STXBP4: variants seen among roughly 807,000 people sequenced by gnomAD.
STXBP4 encodes syntaxin-binding protein 4.
A neutral mutation model predicts 76.1 loss-of-function variants in STXBP4; 55 were observed. That is an observed-to-expected ratio of 0.72 (90% confidence interval 0.58 to 0.91). The LOEUF (loss-of-function observed/expected upper bound fraction) is 0.91, where lower values mean the gene tolerates loss of function less well. Ranked by LOEUF, STXBP4 falls within the 40% of genes least tolerant of loss-of-function variation. The pLI, the probability that STXBP4 is intolerant of heterozygous loss-of-function variation, is 0.00. For missense variants in STXBP4, 618 were observed against 636.9 expected (o/e 0.97, Z 0.32); for synonymous variants, 201 against 220.2 (o/e 0.91, Z 0.77).
In STXBP4 at chr17:55,072,919, A is replaced by C. The variant is rs1195462713; in HGVS notation, c.1031A>C (p.Glu344Ala). ...CTTTAGGAAGCCAAAGCTGTAGTTG[A>C]AGAAACAAGAGCCCTGCGTAGTCGG... ...NVKQEAKAVVEETRALRSRIH... is the reference protein window; with the variant it reads ...NVKQEAKAVVAETRALRSRIH... Residue 344 changes from glutamate (E) to alanine (A), a missense_variant, in exon 13 of 18, where the codon GAA becomes GCA. Physicochemically the swap from Glu to Ala is moderately radical, Grantham distance 107. Coordinates refer to ENST00000376352, the MANE Select transcript of STXBP4 (RefSeq NM_178509.6). 6.2e-7 allele frequency: 1 copy of C among 1,605,276 alleles called. No homozygotes were observed. The highest frequency in any genetic ancestry group is 8.5e-7 in the Non-Finnish European group (1 of 1,177,300).
At chr17:54,993,735 G>A (rs1259349661) in intron 4 of STXBP4, among the ~76,000 whole-genome samples, 4 of 152,216 alleles carry the variant, frequency 2.6e-5, no homozygotes, top group Non-Finnish European at 4.4e-5. Flanking sequence ...TCTTAATGAA[G>A]TTGCTGAACT....
chr17:55,052,368 G>T (rs903482403), intron 12 of STXBP4, among the ~76,000 whole-genome samples: 1 of 152,124 alleles, frequency 6.6e-6, no homozygotes, highest in South Asian at 2.1e-4. Flanking sequence ...GTAATGTATT[G>T]CAGACTATAG....
intron 16 of STXBP4, among the ~76,000 whole-genome samples, chr17:55,114,376 A>C (rs1336668597): frequency 6.6e-6 from 1 of 152,066 alleles, no homozygotes; most frequent in Non-Finnish European, 1.5e-5. Flanking sequence ...TCTGTTCTAA[A>C]AGAAAACAGG....
At chr17:55,202,451 A>T in the STXBP4 span, among the ~76,000 whole-genome samples, 18 of 152,106 alleles carry the variant, frequency 1.2e-4, no homozygotes, top group African/African-American at 3.4e-4. Context: ...TAATTAAATG[A>T]CATTTAATTA....
chr17:55,005,128 A>T (rs78274455), intron 7 of STXBP4, among the ~76,000 whole-genome samples: 1 of 152,216 alleles, frequency 6.6e-6, no homozygotes, highest in East Asian at 1.9e-4. Flanking sequence ...CTTATAATAC[A>T]GTGTCTCTGT....
the STXBP4 span, among the ~76,000 whole-genome samples, chr17:55,198,641 A>G: frequency 6.6e-6 from 1 of 152,244 alleles, no homozygotes; most frequent in Non-Finnish European, 1.5e-5. Context: ...CTCATTAAAT[A>G]TAACGACTTT....
At chr17:55,149,080 A>C (rs2080187570) in intron 17 of STXBP4, among the ~76,000 whole-genome samples, 1 of 152,220 alleles carries the variant, frequency 6.6e-6, no homozygotes, top group Admixed American at 6.5e-5. Context: ...ATGAGGCTAC[A>C]ATGAAGAAAC....
At chr17:55,065,496 G>A (rs1248309889) in intron 12 of STXBP4, among the ~76,000 whole-genome samples, 2 of 152,034 alleles carry the variant, frequency 1.3e-5, no homozygotes, top group East Asian at 3.9e-4. Context: ...TTAACACCCC[G>A]GAAGTTGCTT....
intron 17 of STXBP4, among the ~76,000 whole-genome samples, chr17:55,159,516 T>C (rs993740119): frequency 1.3e-5 from 2 of 152,202 alleles, no homozygotes; most frequent in African/African-American, 4.8e-5. Context: ...AAGGCAGTCA[T>C]TGGACTTGCT....
chr17:55,034,615 A>G (rs1432117898), intron 10 of STXBP4, among the ~76,000 whole-genome samples: 2 of 152,104 alleles, frequency 1.3e-5, no homozygotes, highest in Non-Finnish European at 2.9e-5. Flanking sequence ...AAAAGCACCT[A>G]TATAATGTAT....
chr17:55,065,775 G>C (rs917329045), intron 12 of STXBP4, among the ~76,000 whole-genome samples: 2 of 152,112 alleles, frequency 1.3e-5, no homozygotes, highest in African/African-American at 4.8e-5. Flanking sequence ...ATCTGTCCTT[G>C]ATTAGGGACT....
intron 17 of STXBP4, among the ~76,000 whole-genome samples, chr17:55,143,629 G>A (rs181573627): frequency 1.3e-5 from 2 of 152,282 alleles, no homozygotes; most frequent in East Asian, 3.9e-4. Flanking sequence ...GGAGAATAGA[G>A]TCCCAGAAGA....
At position 54,993,448 on chromosome 17, in the gene STXBP4, T is replaced by C. The variant is rs1429272752; in HGVS notation, c.180+2491T>C. ...GTGAGCTATGATTGCATCACTACAC[T>C]CCAGCCTGGGCAACAGAGCATTTCT... is the stretch of plus-strand genomic sequence containing the variant. On this transcript the variant is annotated intron_variant, in intron 4 of 17. Coordinates refer to ENST00000376352, the MANE Select transcript of STXBP4 (RefSeq NM_178509.6). Among the ~76,000 whole-genome samples, 4 of 151,924 alleles carry C rather than the reference T, an allele frequency of 2.6e-5. No individual in the cohort carries two copies. The East Asian group carries it at 7.8e-4, about 30-fold the overall frequency.
At chr17:55,052,952 G>GTGTGTGT (rs1567739310) in intron 12 of STXBP4, among the ~76,000 whole-genome samples, 3 of 126,998 alleles carry the variant, frequency 2.4e-5, no homozygotes, top group African/African-American at 9.4e-5. Context: ...TGTGTGTGTG[G>GTGTGTGT]GTTGTATTCT....
chr17:55,211,270 C>T, the STXBP4 span, among the ~76,000 whole-genome samples: 5 of 152,006 alleles, frequency 3.3e-5, no homozygotes, highest in East Asian at 1.9e-4. Flanking sequence ...GATGGAGTCT[C>T]GCTCTGTCGC....
intron 16 of STXBP4, among the ~76,000 whole-genome samples, chr17:55,104,938 A>C (rs1047812136): frequency 1.3e-5 from 2 of 152,062 alleles, no homozygotes; most frequent in African/African-American, 4.8e-5. Flanking sequence ...GTATTCTCTC[A>C]TGGTAGTTTG....
intron 12 of STXBP4, among the ~76,000 whole-genome samples, chr17:55,054,502 CA>C (rs1567740020): frequency 6.6e-6 from 1 of 151,890 alleles, no homozygotes; most frequent in Non-Finnish European, 1.5e-5. Context: ...AAAACAAAAA[CA>C]AAAACACAGT....
At chr17:55,080,937 T>C in intron 15 of STXBP4, 113 bp from the exon 16 acceptor site, 1 of 1,062,604 alleles carries the variant, frequency 9.4e-7, no homozygotes, top group Non-Finnish European at 1.2e-6. Flanking sequence ...AATAATTTCC[T>C]CAGAAATATA....
chr17:55,075,059 T>C (rs562202055), intron 13 of STXBP4, among the ~76,000 whole-genome samples: 1 of 152,130 alleles, frequency 6.6e-6, no homozygotes, highest in East Asian at 1.9e-4. Context: ...ATTTACCTTT[T>C]GGAGTTTTTA....
Sources: gnomAD v4.1 joint callset for allele counts (sites outside exome capture counted in the v4.1 genomes callset) on GRCh38, gnomAD v4.1.1 for gene constraint, MANE v1.5 for transcripts, NCBI Gene and HGNC (gene_info 2026-07-23, HGNC 2026-07-21) for gene names.